Variants in INSR observed in about 807,000 individuals in gnomAD.
INSR encodes insulin receptor.
Under a neutral mutation model 142.6 loss-of-function variants are expected in INSR, and 67 were observed. The ratio of observed to expected loss-of-function variants is 0.47; its 90% CI spans 0.39 to 0.58. INSR has a LOEUF of 0.58. INSR is among the 20% of genes least tolerant of loss of function. The pLI, the probability that INSR is intolerant of heterozygous loss-of-function variation, is 0.00. For missense variants in INSR, 1,248 were observed against 1,833.2 expected, an observed-to-expected ratio of 0.68 and a Z score of 5.83; for synonymous variants, 756 against 743.1, an observed-to-expected ratio of 1.02 and a Z score of -0.28.
chr19:7,209,889 C>T (rs1360850890), intron 2 of INSR, among the ~76,000 whole-genome samples: 1 of 152,096 alleles, frequency 6.6e-6, no homozygotes, highest in Non-Finnish European at 1.5e-5. Flanking sequence ...AAGGATAGCA[C>T]CTCCAGAACA....
At chr19:7,240,477 G>C (rs1976305303) in intron 2 of INSR, among the ~76,000 whole-genome samples, 1 of 152,166 alleles carries the variant, frequency 6.6e-6, no homozygotes, top group African/African-American at 2.4e-5. Context: ...AGCCACTAGA[G>C]AGCAGAATTG....
At chr19:7,279,012 C>G (rs1398409441) in intron 1 of INSR, among the ~76,000 whole-genome samples, 2 of 152,006 alleles carry the variant, frequency 1.3e-5, no homozygotes, top group African/African-American at 4.8e-5. Context: ...ACCTGTAATC[C>G]CAGCTACTCA....
At chr19:7,246,413 C>G (rs1976537623) in intron 2 of INSR, among the ~76,000 whole-genome samples, 2 of 152,182 alleles carry the variant, frequency 1.3e-5, no homozygotes, top group African/African-American at 4.8e-5. Flanking sequence ...TCCCAGCTGA[C>G]AGCCAGCACC....
At chr19:7,246,579 C>T (rs1011014035) in intron 2 of INSR, among the ~76,000 whole-genome samples, 3 of 152,194 alleles carry the variant, frequency 2.0e-5, no homozygotes, top group Non-Finnish European at 4.4e-5. Flanking sequence ...GAATCATGAG[C>T]TAAGTACATG....
chr19:7,124,244 C>T (rs1972566230), intron 17 of INSR, among the ~76,000 whole-genome samples: 2 of 151,560 alleles, frequency 1.3e-5, no homozygotes, highest in South Asian at 4.2e-4. Flanking sequence ...TGGCAGGCAC[C>T]TGCAGTCCCA....
At chr19:7,253,640 G>A (rs1369694838) in intron 2 of INSR, among the ~76,000 whole-genome samples, 1 of 152,156 alleles carries the variant, frequency 6.6e-6, no homozygotes, top group Non-Finnish European at 1.5e-5. Flanking sequence ...CCACTCCTCG[G>A]GCCCCAGGAT....
At chr19:7,187,162 A>G (rs1974453438) in intron 2 of INSR, among the ~76,000 whole-genome samples, 1 of 150,390 alleles carries the variant, frequency 6.6e-6, no homozygotes, top group Non-Finnish European at 1.5e-5. Flanking sequence ...GCTCACTGCA[A>G]CCTCCACCTC....
At chr19:7,181,931 C>G (rs1057162477) in intron 3 of INSR, among the ~76,000 whole-genome samples, 1 of 152,058 alleles carries the variant, frequency 6.6e-6, no homozygotes, top group Non-Finnish European at 1.5e-5. Flanking sequence ...ACATCAAGAA[C>G]TCCTTCCCAG....
Position 7,152,930 on chromosome 19 carries a change from G to A in INSR, c.2030-3C>T, listed in dbSNP as rs766758560. 2.2e-5 allele frequency: 35 copies of A among 1,608,084 alleles called. No homozygotes were observed. Among genetic ancestry groups the A allele is most frequent in the Middle Eastern group, 2.2e-4 (1 of 4,622 alleles). Reference sequence around the variant, plus strand: ...GGTCCTCGAGGGCAGCTTCAGCCCTGGAGAAAGAAACAGAAAAGGGGGGCT... The same window carrying A: ...GGTCCTCGAGGGCAGCTTCAGCCCTAGAGAAAGAAACAGAAAAGGGGGGCT... On this transcript the variant is annotated splice_region_variant and splice_polypyrimidine_tract_variant and intron_variant, in intron 9 of 21. Coordinates refer to ENST00000302850, the MANE Select transcript of INSR (RefSeq NM_000208.4).
chr19:7,245,442 C>T (rs954882736), intron 2 of INSR, among the ~76,000 whole-genome samples: 2 of 152,024 alleles, frequency 1.3e-5, no homozygotes, highest in Non-Finnish European at 2.9e-5. Context: ...GCCTAGGCAA[C>T]ACAGTGAGCC....
intron 2 of INSR, among the ~76,000 whole-genome samples, chr19:7,217,293 T>G (rs1747110167): frequency 6.6e-6 from 1 of 152,160 alleles, no homozygotes; most frequent in Non-Finnish European, 1.5e-5. Flanking sequence ...CTTGCCTCCC[T>G]CTTTCCTTGA....
At chr19:7,283,299 T>C (rs2145241959) in intron 1 of INSR, among the ~76,000 whole-genome samples, 1 of 152,254 alleles carries the variant, frequency 6.6e-6, no homozygotes, top group African/African-American at 2.4e-5. Flanking sequence ...CCCTGAAACA[T>C]GGGCCAGGGG....
intron 21 of INSR, among the ~76,000 whole-genome samples, chr19:7,117,629 C>T (rs1170488279): frequency 5.3e-5 from 8 of 152,166 alleles, no homozygotes; most frequent in Admixed American, 6.5e-5. Context: ...ATTTTGGACA[C>T]AGCGTCTCAT....
chr19:7,197,843 A>AGAAC (rs1974817409), intron 2 of INSR, among the ~76,000 whole-genome samples: 1 of 109,392 alleles, frequency 9.1e-6, no homozygotes, highest in African/African-American at 3.8e-5. Flanking sequence ...AACGAGAGAG[A>AGAAC]GAGAGAGAGA....
intron 1 of INSR, among the ~76,000 whole-genome samples, chr19:7,272,594 G>A (rs1056904512): frequency 2.6e-5 from 4 of 151,988 alleles, no homozygotes; most frequent in Non-Finnish European, 5.9e-5. Context: ...CTCCAGCCTG[G>A]GTGACAGAGC....
intron 1 of INSR, among the ~76,000 whole-genome samples, chr19:7,278,367 A>G (rs1223570068): frequency 6.6e-6 from 1 of 152,220 alleles, no homozygotes; most frequent in East Asian, 1.9e-4. Context: ...GGAGGAAGTC[A>G]GTGAAAGCCC....
chr19:7,152,350 C>T, intron 10 of INSR: 1 of 324,900 alleles, frequency 3.1e-6, no homozygotes, highest in South Asian at 2.5e-5. Flanking sequence ...CACCGCACTC[C>T]AGCCTGGACG....
intron 13 of INSR, among the ~76,000 whole-genome samples, chr19:7,134,696 CAG>C (rs1972864788): frequency 6.6e-6 from 1 of 151,842 alleles, no homozygotes; most frequent in African/African-American, 2.4e-5. Flanking sequence ...ACCCGGGAGG[CAG>C]AGTTTGTAGT....
chr19:7,247,453 A>T (rs1976571325), intron 2 of INSR, among the ~76,000 whole-genome samples: 1 of 149,624 alleles, frequency 6.7e-6, no homozygotes, highest in South Asian at 2.1e-4. Flanking sequence ...CTTTGTTGTG[A>T]TCAACTTTCC....
Sources: allele counts gnomAD v4.1 joint callset (sites outside exome capture counted in the v4.1 genomes callset), GRCh38; gene constraint gnomAD v4.1.1; transcripts MANE v1.5; gene names NCBI Gene and HGNC (gene_info 2026-07-23, HGNC 2026-07-21).